The following ZMAT4 variants were observed in gnomAD, a reference collection of about 807,000 sequenced individuals.
ZMAT4 encodes zinc finger matrin-type protein 4.
In ZMAT4, 17 loss-of-function variants were observed where a neutral mutation model predicts 28.7. The ratio of observed to expected loss-of-function variants is 0.59; its 90% CI spans 0.41 to 0.89. The LOEUF (loss-of-function observed/expected upper bound fraction) is 0.89. ZMAT4 is among the 40% of genes least tolerant of loss of function. The pLI is 0.00. For missense variants in ZMAT4, 240 were observed against 283.8 expected (o/e 0.85, Z 1.11); for synonymous variants, 117 against 109.2 (o/e 1.07, Z -0.44).
At chr8:40,855,085 G>T (rs1224766235) in intron 1 of ZMAT4, among the ~76,000 whole-genome samples, 1 of 152,140 alleles carries the variant, frequency 6.6e-6, no homozygotes, top group Non-Finnish European at 1.5e-5. Context: ...TGAACACAGT[G>T]GCATTCACGG....
chr8:40,587,323 G>GA (rs199936722), intron 5 of ZMAT4, among the ~76,000 whole-genome samples: 32 of 151,558 alleles, frequency 2.1e-4, no homozygotes, highest in African/African-American at 7.0e-4. Context: ...AGACTATGGG[G>GA]AAAAAAAAGA....
intron 1 of ZMAT4, among the ~76,000 whole-genome samples, chr8:40,896,050 T>A (rs894510821): frequency 6.6e-6 from 1 of 151,744 alleles, no homozygotes; most frequent in Non-Finnish European, 1.5e-5. Flanking sequence ...AGAACGCTGA[T>A]GGTATTTTGA....
At chr8:40,776,965 G>A (rs980575001) in intron 2 of ZMAT4, among the ~76,000 whole-genome samples, 1 of 148,794 alleles carries the variant, frequency 6.7e-6, no homozygotes, top group African/African-American at 2.5e-5. Context: ...TATTGCGTAT[G>A]TAACAAAATG....
At chr8:40,602,011 C>T (rs1008422281) in intron 5 of ZMAT4, among the ~76,000 whole-genome samples, 18 of 152,162 alleles carry the variant, frequency 1.2e-4, no homozygotes, top group South Asian at 4.1e-4. Context: ...TTCTCCTTCT[C>T]CCCCTTCTGC....
Position 40,767,724 on chromosome 8 carries a change from T to C in ZMAT4, c.109A>G (p.Lys37Glu). 1 of 1,612,166 alleles carries C rather than the reference T, an allele frequency of 6.2e-7. No homozygotes were observed. Among genetic ancestry groups the C allele is most frequent in the Non-Finnish European group, 8.5e-7 (1 of 1,179,378 alleles). The change falls in exon 3 of 7, where the codon AAA (lysine) becomes GAA (glutamate). Residue 37 changes from lysine to glutamate, a missense_variant. Coordinates refer to ENST00000297737, the MANE Select transcript of ZMAT4 (RefSeq NM_024645.3). ...SQRVAHYESR[K>E]HASKVRLYYM... ...TACAGTCGGACTTTGCTTGCATGTT[T>C]TCGACTCTGGGAAGGAAAAGCATAA...
intron 3 of ZMAT4, among the ~76,000 whole-genome samples, chr8:40,713,840 T>TG (rs754559525): frequency 3.4e-4 from 47 of 138,150 alleles, no homozygotes; most frequent in South Asian, 6.6e-4. Flanking sequence ...ACCCAGGAGG[T>TG]GGAGGTTGCA....
At chr8:40,889,616 A>C (rs1818594009) in intron 1 of ZMAT4, among the ~76,000 whole-genome samples, 1 of 152,186 alleles carries the variant, frequency 6.6e-6, no homozygotes, top group Admixed American at 6.5e-5. Context: ...CTTTTGTTTT[A>C]ATTGCAATTA....
intron 3 of ZMAT4, among the ~76,000 whole-genome samples, chr8:40,763,299 A>C (rs1250820206): frequency 2.0e-5 from 3 of 151,992 alleles, no homozygotes; most frequent in Non-Finnish European, 4.4e-5. Context: ...ATCAGAGTAG[A>C]TCTCCTTTTG....
intron 5 of ZMAT4, among the ~76,000 whole-genome samples, chr8:40,658,044 A>G (rs1420634911): frequency 6.6e-6 from 1 of 152,158 alleles, no homozygotes. Context: ...AATCCAATTC[A>G]TGTTATAAAC....
At chr8:40,614,800 A>T (rs889313606) in intron 5 of ZMAT4, among the ~76,000 whole-genome samples, 1 of 151,910 alleles carries the variant, frequency 6.6e-6, no homozygotes, top group African/African-American at 2.4e-5. Context: ...CCATCCCTTT[A>T]TTTTGAGCCT....
At chr8:40,809,770 G>A (rs1815245616) in intron 2 of ZMAT4, among the ~76,000 whole-genome samples, 1 of 152,140 alleles carries the variant, frequency 6.6e-6, no homozygotes, top group South Asian at 2.1e-4. Flanking sequence ...GTTGCTGGGT[G>A]CAGTGGACCA....
At chr8:40,618,819 A>G (rs1212482500) in intron 5 of ZMAT4, among the ~76,000 whole-genome samples, 2 of 152,172 alleles carry the variant, frequency 1.3e-5, no homozygotes, top group Non-Finnish European at 2.9e-5. Context: ...TTCAAATGGC[A>G]TCTTGGTTTG....
At chr8:40,827,542 T>A (rs1238396549) in intron 1 of ZMAT4, among the ~76,000 whole-genome samples, 1 of 152,196 alleles carries the variant, frequency 6.6e-6, no homozygotes, top group Non-Finnish European at 1.5e-5. Flanking sequence ...AATCTCACGT[T>A]CTGTCCTTGG....
chr8:40,632,248 C>G (rs1288591175), intron 5 of ZMAT4, among the ~76,000 whole-genome samples: 1 of 152,112 alleles, frequency 6.6e-6, no homozygotes, highest in African/African-American at 2.4e-5. Flanking sequence ...GCACATAGAA[C>G]TTTTTCAGGA....
At chr8:40,707,071 A>T (rs1035279008) in intron 3 of ZMAT4, among the ~76,000 whole-genome samples, 6 of 152,164 alleles carry the variant, frequency 3.9e-5, no homozygotes, top group Non-Finnish European at 7.3e-5. Flanking sequence ...CTTTGTTCAC[A>T]TGGTTCACTC....
chr8:40,885,399 G>A (rs1353687751), intron 1 of ZMAT4, among the ~76,000 whole-genome samples: 1 of 152,134 alleles, frequency 6.6e-6, no homozygotes, highest in South Asian at 2.1e-4. Context: ...CATCCGACCC[G>A]AGCCATCTCC....
chr8:40,564,596 T>C (rs567812944), intron 6 of ZMAT4, among the ~76,000 whole-genome samples: 10 of 152,194 alleles, frequency 6.6e-5, no homozygotes, highest in South Asian at 4.1e-4. Flanking sequence ...GGAGAACATA[T>C]CACTTTGAGA....
chr8:40,892,008 A>T (rs1215740382), intron 1 of ZMAT4, among the ~76,000 whole-genome samples: 1 of 152,108 alleles, frequency 6.6e-6, no homozygotes, highest in African/African-American at 2.4e-5. Flanking sequence ...GAGACTTCCC[A>T]ACTTCACTGA....
In ZMAT4 at chr8:40,679,911, G is replaced by A. The variant is rs888800044; in HGVS notation, c.350-4980C>T. Among the ~76,000 whole-genome samples, 6 of 152,124 alleles carry A rather than the reference G, an allele frequency of 3.9e-5. No homozygotes were observed. The East Asian group carries it at 1.2e-3, about 29-fold the overall frequency. ...ATAAATAAAATGTTCTTTACACTAT[G>A]AGAGACTAAAGAAATATGGTAACCA... On this transcript the variant is annotated intron_variant, in intron 4 of 6. Coordinates refer to ENST00000297737, the MANE Select transcript of ZMAT4 (RefSeq NM_024645.3).
Sources: gnomAD v4.1 joint callset for allele counts (sites outside exome capture counted in the v4.1 genomes callset) on GRCh38, gnomAD v4.1.1 for gene constraint, MANE v1.5 for transcripts, NCBI Gene and HGNC (gene_info 2026-07-23, HGNC 2026-07-21) for gene names.